Variants in PPCDC observed in about 807,000 individuals in gnomAD.
PPCDC encodes the protein phosphopantothenoylcysteine decarboxylase.
PPCDC carries 20 observed loss-of-function variants against 20.7 expected under a neutral mutation model. That is an observed-to-expected ratio of 0.97 (90% CI 0.68 to 1.41). PPCDC has a LOEUF of 1.41. PPCDC is among the 40% of genes most tolerant of loss of function. The pLI is 0.00. For missense variants in PPCDC, 246 were observed against 263.8 expected (o/e 0.93, Z 0.47); for synonymous variants, 88 against 100.3 (o/e 0.88, Z 0.73).
intron 2 of PPCDC, among the ~76,000 whole-genome samples, chr15:75,038,429 G>A (rs1282036908): frequency 6.6e-6 from 1 of 152,202 alleles, no homozygotes; most frequent in Non-Finnish European, 1.5e-5. Flanking sequence ...CTCTGGTGAG[G>A]GGAAGTTTAC....
At chr15:75,039,862 G>A (rs965519783) in intron 2 of PPCDC, among the ~76,000 whole-genome samples, 74 of 150,026 alleles carry the variant, frequency 4.9e-4, no homozygotes, top group Middle Eastern at 6.9e-3. Context: ...TCAGCTCACT[G>A]CAACCTCCAC....
At chr15:75,037,843 G>A (rs1194691281) in intron 2 of PPCDC, among the ~76,000 whole-genome samples, 1 of 152,120 alleles carries the variant, frequency 6.6e-6, no homozygotes, top group Non-Finnish European at 1.5e-5. Flanking sequence ...CCTGAACCGA[G>A]GCTGGGTGAT....
At chr15:75,037,108 C>T (rs1471096972) in intron 2 of PPCDC, among the ~76,000 whole-genome samples, 1 of 152,072 alleles carries the variant, frequency 6.6e-6, no homozygotes, top group Non-Finnish European at 1.5e-5. Flanking sequence ...AGAATAGAGG[C>T]GATGAACCTG....
intron 3 of PPCDC, among the ~76,000 whole-genome samples, chr15:75,043,883 C>T (rs564703136): frequency 4.6e-5 from 7 of 152,334 alleles, no homozygotes; most frequent in East Asian, 1.9e-4. Context: ...TCACTTCCCA[C>T]GGCCGCCGGG....
rs940317873 is a variant in PPCDC, at chr15:75,049,629, G to T, written c.*394G>T. The T allele has an allele frequency of 4.5e-5, 8 of 178,720 alleles. No homozygotes were observed. Among genetic ancestry groups the T allele is most frequent in the Non-Finnish European group, 5.9e-5 (5 of 85,128 alleles). The allele number at this position is 178,720 out of a possible 1,614,324, so 11.1% of individuals were successfully genotyped here. On this transcript the variant is annotated 3_prime_UTR_variant, in exon 6 of 6. Coordinates refer to ENST00000342932, the MANE Select transcript of PPCDC (RefSeq NM_021823.5). ...TTGGGAGTTTCAGCTCTTTGGCGGG[G>T]TGCCCAGGTGCCATGCGATCAGCGA...
chr15:75,048,898 G>C (rs2066276518), intron 5 of PPCDC, among the ~76,000 whole-genome samples, 177 bp downstream of exon 5: 1 of 152,236 alleles, frequency 6.6e-6, no homozygotes, highest in Non-Finnish European at 1.5e-5. Flanking sequence ...GGGTAAAATG[G>C]GGTGGAATGT....
intron 1 of PPCDC, among the ~76,000 whole-genome samples, chr15:75,024,664 CT>C (rs2065941375): frequency 6.6e-6 from 1 of 150,388 alleles, no homozygotes. Context: ...CCTGTATACT[CT>C]TTTTTCTTTT....
chr15:75,044,852 T>C, intron 4 of PPCDC: 1 of 291,690 alleles, frequency 3.4e-6, no homozygotes, highest in South Asian at 3.2e-5. Context: ...TTCCACTGTC[T>C]CTGCCCAGCC....
chr15:75,040,493 T>A (rs1026673695), intron 2 of PPCDC, among the ~76,000 whole-genome samples: 3 of 152,226 alleles, frequency 2.0e-5, no homozygotes, highest in Non-Finnish European at 4.4e-5. Flanking sequence ...TTCTTTTGCT[T>A]TAAATTTATC....
At chr15:75,030,112 C>T (rs1317605060) in intron 2 of PPCDC, among the ~76,000 whole-genome samples, 1 of 152,134 alleles carries the variant, frequency 6.6e-6, no homozygotes. Context: ...GAGTTGATGC[C>T]AAAAGTGAGG....
At chr15:75,040,643 T>C (rs2141491189) in intron 2 of PPCDC, among the ~76,000 whole-genome samples, 1 of 152,196 alleles carries the variant, frequency 6.6e-6, no homozygotes, top group African/African-American at 2.4e-5. Context: ...TAATGCTTGC[T>C]TGCTTTTTAT....
intron 2 of PPCDC, among the ~76,000 whole-genome samples, chr15:75,039,157 A>G (rs770517584): frequency 4.6e-5 from 7 of 152,086 alleles, no homozygotes; most frequent in Non-Finnish European, 1.0e-4. Context: ...CCAAAAGTTG[A>G]TTGGAAACTC....
At chr15:75,043,675 G>A in intron 3 of PPCDC, 139 bp downstream of exon 3, 1 of 728,960 alleles carries the variant, frequency 1.4e-6, no homozygotes, top group Non-Finnish European at 2.2e-6. Context: ...CTGGGCAGAG[G>A]CAATGAAGAA....
At position 75,028,241 on chromosome 15, in the gene PPCDC, T is replaced by A. The variant is rs1425048118; in HGVS notation, c.-72-6T>A. ...ATGAAGGGGGTGGCCCTTGTTCTCC[T>A]TTTAGATCCTAAATCCCGACAGCTT... is the stretch of plus-strand genomic sequence containing the variant. On this transcript the variant is annotated splice_region_variant and splice_polypyrimidine_tract_variant and intron_variant, in intron 1 of 5. Transcript: ENST00000342932. 1.9e-6 allele frequency: 3 copies of A among 1,559,796 alleles called. No individual in the cohort carries two copies. Among genetic ancestry groups the A allele is most frequent in the Non-Finnish European group, 2.6e-6 (3 of 1,153,842 alleles).
chr15:75,038,298 G>C (rs547230406), intron 2 of PPCDC, among the ~76,000 whole-genome samples: 2 of 152,238 alleles, frequency 1.3e-5, no homozygotes, highest in East Asian at 1.9e-4. Flanking sequence ...CCTTGACTTT[G>C]TTCTGTTCAT....
At chr15:75,032,723 G>GGCCCC (rs1360595753) in intron 2 of PPCDC, among the ~76,000 whole-genome samples, 1 of 46,190 alleles carries the variant, frequency 2.2e-5, no homozygotes, top group Non-Finnish European at 6.4e-5. Context: ...TAGCAAACTG[G>GGCCCC]ACCCCCCCCC....
At chr15:75,038,947 T>C (rs2066117642) in intron 2 of PPCDC, among the ~76,000 whole-genome samples, 1 of 152,220 alleles carries the variant, frequency 6.6e-6, no homozygotes, top group South Asian at 2.1e-4. Context: ...TGTTAATTTC[T>C]AAGAGTTCTT....
chr15:75,035,594 C>T (rs901612745), intron 2 of PPCDC, among the ~76,000 whole-genome samples: 1 of 152,286 alleles, frequency 6.6e-6, no homozygotes, highest in South Asian at 2.1e-4. Flanking sequence ...AAAATGCAGG[C>T]AGCTTATGTA....
At chr15:75,035,941 T>G (rs1368827134) in intron 2 of PPCDC, among the ~76,000 whole-genome samples, 1 of 136,004 alleles carries the variant, frequency 7.4e-6, no homozygotes, top group Non-Finnish European at 1.5e-5. Flanking sequence ...CACTCCAGCC[T>G]GCACAGAGCA....
Sources: allele counts gnomAD v4.1 joint callset (sites outside exome capture counted in the v4.1 genomes callset), GRCh38; gene constraint gnomAD v4.1.1; transcripts MANE v1.5; gene names NCBI Gene and HGNC (gene_info 2026-07-23, HGNC 2026-07-21).